ODF2L: variants seen among roughly 807,000 people sequenced by gnomAD.
ODF2L encodes outer dense fiber of sperm tails 2 like.
In ODF2L, 76 loss-of-function variants were observed where a neutral mutation model predicts 86.3. That is an observed-to-expected ratio of 0.88 (90% CI 0.73 to 1.07). ODF2L has a LOEUF of 1.07. Ranked by LOEUF, ODF2L falls within the 50% of genes least tolerant of loss-of-function variation. The probability of loss-of-function intolerance (pLI) is 0.00; values close to 1 mark genes in which losing one functional copy is unlikely to be tolerated. For missense variants in ODF2L, 748 were observed against 717.4 expected (o/e 1.04, Z -0.49); for synonymous variants, 241 against 231.3 (o/e 1.04, Z -0.38).
rs570122892 is a variant in ODF2L, at chr1:86,371,094, C to T, written c.980G>A (p.Cys327Tyr). ...GTGAACTTTTCTAAGAATTTCTTCA[C>T]ATGAATTTTTTCCATGGTCTTCCAT... The change falls in exon 10 of 18, where the codon TGT becomes TAT. Residue 327 changes from cysteine to tyrosine, a missense_variant. Transcript: ENST00000317336. 9.0e-6 allele frequency: 14 copies of T among 1,561,140 alleles called. No homozygotes were observed. The highest frequency in any genetic ancestry group is 1.2e-5 in the South Asian group (1 of 82,980).
At chr1:86,376,403 T>C in exon 8 of ODF2L, 1 of 1,592,702 alleles carries the variant, frequency 6.3e-7, no homozygotes, top group Non-Finnish European at 8.5e-7. Context: ...CACTTGGCTA[T>C]CTTGGTTTCT....
downstream of ODF2L, chr1:86,349,057 G>C: frequency 1.5e-5 from 7 of 457,504 alleles, no homozygotes; most frequent in Non-Finnish European, 2.0e-5. Flanking sequence ...AATAATTAAA[G>C]CACACACATG....
intron 11 of ODF2L, among the ~76,000 whole-genome samples, chr1:86,364,169 C>T (rs1033683791): frequency 6.6e-6 from 1 of 151,996 alleles, no homozygotes; most frequent in Non-Finnish European, 1.5e-5. Context: ...TTTATAATAT[C>T]TTTCTAATCC....
At position 86,373,747 on chromosome 1, in the gene ODF2L, G is replaced by C. The variant is rs12042822; in HGVS notation, c.811-1207C>G. Among the ~76,000 whole-genome samples the C allele has an allele frequency of 6.2e-3, 941 of 152,014 alleles. 43 individuals are homozygous for C. In the East Asian group the frequency reaches 0.11, roughly 17 times the overall value. On this transcript the variant is annotated intron_variant, in intron 8 of 17. Transcript: ENST00000317336. ...TAACATTTGGTGATGTACCTTACTT[G>C]TCTTTGCTATAATGACGCCAAGATC...
At chr1:86,377,778 G>A (rs989371378) in intron 7 of ODF2L, among the ~76,000 whole-genome samples, 3 of 152,224 alleles carry the variant, frequency 2.0e-5, no homozygotes, top group Admixed American at 1.3e-4. Context: ...AAGCAGCAAG[G>A]CTCTGGGCCC....
chr1:86,354,661 C>A lies in ODF2L; in HGVS notation c.1636G>T (p.Glu546Ter). 1 of 1,611,698 alleles carries A rather than the reference C, an allele frequency of 6.2e-7. No homozygotes were observed. Among genetic ancestry groups the A allele is most frequent in the Non-Finnish European group, 8.5e-7 (1 of 1,178,714 alleles). The change falls in exon 16 of 18, where the codon GAG becomes TAG. Residue 546 changes from glutamate (E) to a stop codon, truncating the protein, a stop_gained. Transcript: ENST00000317336. LOFTEE classifies it high-confidence loss of function. ...TGGTTTGCCAGCTTCTTCTCAAGCT[C>A]TTTATTTTCTGCGTCCATCTGTTCT...
chr1:86,358,009 T>C (rs769343583), intron 13 of ODF2L: 8 of 985,162 alleles, frequency 8.1e-6, no homozygotes, highest in African/African-American at 1.7e-5. Flanking sequence ...CAGTAAGTTG[T>C]GCATTCAGTG....
intron 11 of ODF2L, chr1:86,368,632 A>C: frequency 7.0e-7 from 1 of 1,426,330 alleles, no homozygotes; most frequent in Non-Finnish European, 9.3e-7. Context: ...GAGTAATAAA[A>C]TACCTTTTCA....
intron 14 of ODF2L, 26 bp from the exon 14 acceptor site, chr1:86,354,885 A>C (rs1441538675): frequency 1.5e-6 from 2 of 1,333,734 alleles, no homozygotes; most frequent in Non-Finnish European, 2.1e-6. Flanking sequence ...AAGTTTTCTT[A>C]GTCATTTTCT....
chr1:86,375,360 A>G (rs1660097009), intron 8 of ODF2L, among the ~76,000 whole-genome samples: 1 of 152,162 alleles, frequency 6.6e-6, no homozygotes, highest in African/African-American at 2.4e-5. Context: ...ATGATGCCCT[A>G]TTTTATACAT....
Position 86,387,060 on chromosome 1 carries a change from C to T in ODF2L, c.-33G>A. The stretch of plus-strand genomic sequence containing the variant: ...GTAAATGGATTTATAGGTGGCTTCA[C>T]AGCGACTTCTCCACATAAGCTGAAA... On this transcript the variant is annotated 5_prime_UTR_variant, in exon 2 of 18. The change creates a new upstream start codon in the 5' untranslated region. Transcript: ENST00000317336. 9.9e-7 allele frequency: 1 copy of T among 1,008,346 alleles called. No individual in the cohort carries two copies. The highest frequency in any genetic ancestry group is 1.5e-6 in the Non-Finnish European group (1 of 681,520). The allele number at this position is 1,008,346 out of a possible 1,614,324, so 62.5% of individuals were successfully genotyped here.
chr1:86,348,623 A>AT (rs1657922150), downstream of ODF2L: 2 of 844,912 alleles, frequency 2.4e-6, no homozygotes, highest in South Asian at 9.1e-5. Flanking sequence ...AAATCTTTAC[A>AT]TAAAAACCTC....
chr1:86,386,866 A>T (rs1322548364), intron 2 of ODF2L, 49 bp downstream of exon 2: 1 of 913,606 alleles, frequency 1.1e-6, no homozygotes, highest in African/African-American at 1.7e-5. Flanking sequence ...ACAAAACAGG[A>T]AATCCTAGAA....
intron 16 of ODF2L, among the ~76,000 whole-genome samples, chr1:86,353,818 C>T: frequency 6.6e-6 from 1 of 152,202 alleles, no homozygotes; most frequent in East Asian, 1.9e-4. Context: ...TTGGCGCCGT[C>T]CCCTCAGTGT....
intron 7 of ODF2L, among the ~76,000 whole-genome samples, chr1:86,379,620 C>A (rs1446716601): frequency 6.6e-6 from 1 of 152,132 alleles, no homozygotes; most frequent in Non-Finnish European, 1.5e-5. Context: ...TGATTATAAT[C>A]TTTAAGAAGG....
intron 14 of ODF2L, chr1:86,355,101 A>G (rs1658437416): frequency 1.8e-6 from 1 of 547,990 alleles, no homozygotes; most frequent in African/African-American, 1.9e-5. Flanking sequence ...ATTCAGGATG[A>G]TGGCTATTAA....
chr1:86,393,382 A>G (rs928575020), intron 1 of ODF2L, among the ~76,000 whole-genome samples: 1 of 132,480 alleles, frequency 7.5e-6, no homozygotes, highest in African/African-American at 2.7e-5. Context: ...AGGTAATTGT[A>G]TGAAAAAAAA....
chr1:86,377,786 C>T (rs1660281071), intron 7 of ODF2L, among the ~76,000 whole-genome samples: 1 of 152,224 alleles, frequency 6.6e-6, no homozygotes, highest in South Asian at 2.1e-4. Context: ...AGGCTCTGGG[C>T]CCAGCCCACA....
chr1:86,358,086 C>T (rs11161803), intron 13 of ODF2L: 327,335 of 983,902 alleles, frequency 0.33, 56,269 homozygotes, highest in East Asian at 0.41. Context: ...ACATTATTGC[C>T]TTGCTCTGAC....
Sources: gnomAD v4.1 joint callset for allele counts (sites outside exome capture counted in the v4.1 genomes callset) on GRCh38, gnomAD v4.1.1 for gene constraint, MANE v1.5 for transcripts, NCBI Gene and HGNC (gene_info 2026-07-23, HGNC 2026-07-21) for gene names.